FER1L5: variants seen among roughly 807,000 people sequenced by gnomAD.
FER1L5 encodes the protein fer-1 like family member 5, also known as fer-1-like protein 5.
In FER1L5, 187 loss-of-function variants were observed where a neutral mutation model predicts 279.9. The ratio of observed to expected loss-of-function variants is 0.67; its 90% CI spans 0.59 to 0.75. The LOEUF is 0.75. FER1L5 is among the 30% of genes least tolerant of loss of function. The pLI, the probability that FER1L5 is intolerant of heterozygous loss-of-function variation, is 0.00. For missense variants in FER1L5, 2,091 were observed against 2,594.4 expected, an observed-to-expected ratio of 0.81 and a Z score of 4.21; for synonymous variants, 921 against 989.7, an observed-to-expected ratio of 0.93 and a Z score of 1.30.
Position 96,649,605 on chromosome 2 carries a change from C to T in FER1L5, c.340-18C>T, listed in dbSNP as rs1326655258. ...ATGGCAGGGTCTGGCTTACAGCTCC[C>T]TTGCCTTTGTCTTGCAGTGTACTGT... On this transcript the variant is annotated intron_variant, in intron 4 of 52. Transcript: ENST00000624922. 1 of 1,551,014 alleles carries T rather than the reference C, an allele frequency of 6.4e-7. No individual in the cohort carries two copies.
rs1387179584 is a variant in FER1L5, at chr2:96,686,325, G to T, written c.2204G>T (p.Gly735Val). 2.6e-6 allele frequency: 4 copies of T among 1,551,272 alleles called. No homozygotes were observed. In the Admixed American group the frequency reaches 7.8e-5, roughly 30 times the overall value. The stretch of plus-strand genomic sequence containing the variant: ...GCTCTGCACTCCGGCAGGCTCTGTG[G>T]GAAGATACAGACACTCTTCCTACAG... ...AGALHSGRLC[G>V]KIQTLFLQYP... The change falls in exon 23 of 53, where the codon GGG becomes GTG. Residue 735 changes from glycine (G) to valine (V), a missense_variant. Gly to Val is a moderately radical substitution (Grantham distance 109). Coordinates refer to ENST00000624922, the MANE Select transcript of FER1L5 (RefSeq NM_001293083.2).
chr2:96,704,721 G>A lies in FER1L5; in HGVS notation c.*29G>A. 2 of 1,574,574 alleles carry A rather than the reference G, an allele frequency of 1.3e-6. No individual in the cohort carries two copies. Among genetic ancestry groups the A allele is most frequent in the Non-Finnish European group, 1.7e-6 (2 of 1,144,942 alleles). The stretch of plus-strand genomic sequence containing the variant: ...GTCCATGCTGCCTGGCTTTCCTCCT[G>A]CTACCAACAGCCCTCCCCTTGGGCT... On this transcript the variant is annotated 3_prime_UTR_variant, in exon 53 of 53. Coordinates refer to ENST00000624922, the MANE Select transcript of FER1L5 (RefSeq NM_001293083.2).
chr2:96,690,478 C>T lies in FER1L5; in HGVS notation c.2641-9C>T. 1.3e-6 allele frequency: 2 copies of T among 1,551,332 alleles called. No homozygotes were observed. Among genetic ancestry groups the T allele is most frequent in the Non-Finnish European group, 1.7e-6 (2 of 1,146,892 alleles). On this transcript the variant is annotated splice_polypyrimidine_tract_variant and intron_variant, in intron 26 of 52. Coordinates refer to ENST00000624922, the MANE Select transcript of FER1L5 (RefSeq NM_001293083.2). ...GTGCCCCTCGCTCGCCCTCTCTGTC[C>T]ACCTGCAGAATGGACAGCCCATGGA...
intron 19 of FER1L5, among the ~76,000 whole-genome samples, chr2:96,675,186 G>A (rs889306547): frequency 3.3e-5 from 5 of 152,096 alleles, no homozygotes; most frequent in African/African-American, 7.2e-5. Context: ...TGTGCTATAT[G>A]TAGGCATTTA....
rs757289534 is a variant in FER1L5, at chr2:96,686,015, C to A, written c.1971C>A (p.Leu657=). The change falls in exon 22 of 53, where the codon CTC becomes CTA. Residue 657 remains leucine (L), a synonymous_variant. Transcript: ENST00000624922. The part of the protein sequence containing the change: ...LDRKRWQLRS[L]LLQELAQKAK... ...GGAAGAGGTGGCAGCTCCGCAGCCT[C>A]CTCCTGCAGGAACTGGCCCAAAAGG... is the stretch of plus-strand genomic sequence containing the variant. 1 of 1,551,548 alleles carries A rather than the reference C, an allele frequency of 6.4e-7. No homozygotes were observed. The highest frequency in any genetic ancestry group is 8.7e-7 in the Non-Finnish European group (1 of 1,146,984).
In FER1L5 at chr2:96,687,748, TG is replaced by T. The variant is rs1443519219; in HGVS notation, c.2230-62del. The T allele has an allele frequency of 2.6e-6, 4 of 1,535,388 alleles. No homozygotes were observed. The East Asian group carries it at 7.4e-5, about 28-fold the overall frequency. ...GGGGAAGGGGCAGGTACAGCCCACT[TG>T]GGGGGTGGCCGGGGTGGCGTTCAGG... On this transcript the variant is annotated intron_variant, in intron 23 of 52. Coordinates refer to ENST00000624922, the MANE Select transcript of FER1L5 (RefSeq NM_001293083.2).
chr2:96,690,676 C>G (rs1177851354), intron 27 of FER1L5, 87 bp downstream of exon 27: 1 of 1,256,462 alleles, frequency 8.0e-7, no homozygotes, highest in Non-Finnish European at 1.1e-6. Flanking sequence ...AGCAGCCAAG[C>G]CCTCCATGGT....
intron 24 of FER1L5, among the ~76,000 whole-genome samples, chr2:96,688,621 T>C (rs562274398): frequency 6.6e-6 from 1 of 152,232 alleles, no homozygotes; most frequent in South Asian, 2.1e-4. Flanking sequence ...AAAACATACG[T>C]TTGCAGTGTC....
At chr2:96,677,509 A>G (rs2076551494) in intron 19 of FER1L5, among the ~76,000 whole-genome samples, 2 of 152,110 alleles carry the variant, frequency 1.3e-5, no homozygotes, top group East Asian at 1.9e-4. Context: ...GTATGGGTGT[A>G]CCATCCATCA....
intron 1 of FER1L5, 121 bp from the exon 2 acceptor site, chr2:96,646,280 T>G (rs1028810091): frequency 3.4e-5 from 34 of 1,012,838 alleles, no homozygotes; most frequent in Non-Finnish European, 4.7e-5. Context: ...TTACAGGCGT[T>G]AGCCACCATG....
In FER1L5 at chr2:96,685,958, G is replaced by T. The variant is rs1407064400; in HGVS notation, c.1914G>T (p.Met638Ile). 4 of 1,546,748 alleles carry T rather than the reference G, an allele frequency of 2.6e-6. No individual in the cohort carries two copies. The Admixed American group carries it at 7.9e-5, about 31-fold the overall frequency. Residue 638 changes from methionine (M) to isoleucine (I), a missense_variant, in exon 22 of 53, where the codon ATG becomes ATT. Physicochemically the swap from Met to Ile is conservative, Grantham distance 10. Coordinates refer to ENST00000624922, the MANE Select transcript of FER1L5 (RefSeq NM_001293083.2). The part of the protein sequence containing the change: ...AEDCKRPLPC[M>I]TYQPKATSLD... Reference sequence around the variant, plus strand: ...GCCACAGGCGCCCTCTGCCCTGCATGACCTATCAGCCCAAAGCCACCAGCC... The same window carrying T: ...GCCACAGGCGCCCTCTGCCCTGCATTACCTATCAGCCCAAAGCCACCAGCC...
At chr2:96,673,362 AC>A in intron 19 of FER1L5, 108 bp downstream of exon 19, 1 of 1,198,516 alleles carries the variant, frequency 8.3e-7, no homozygotes, top group Non-Finnish European at 1.1e-6. Flanking sequence ...GGCATTATTT[AC>A]CTATATTTCA....
At chr2:96,670,969 T>C (rs1259623073) in intron 18 of FER1L5, among the ~76,000 whole-genome samples, 1 of 150,804 alleles carries the variant, frequency 6.6e-6, no homozygotes, top group African/African-American at 2.4e-5. Context: ...TACCCAGGCA[T>C]GGTGGCTTGC....
chr2:96,692,458 C>T (rs1026349659), intron 31 of FER1L5, among the ~76,000 whole-genome samples: 2 of 152,186 alleles, frequency 1.3e-5, no homozygotes, highest in African/African-American at 4.8e-5. Flanking sequence ...ACAAAGACTA[C>T]GAGGCAGGGC....
intron 9 of FER1L5, among the ~76,000 whole-genome samples, chr2:96,659,636 G>A (rs2075877560): frequency 6.7e-6 from 1 of 149,928 alleles, no homozygotes; most frequent in African/African-American, 2.5e-5. Flanking sequence ...AGACTACAGG[G>A]GCCCGCCACC....
In FER1L5 at chr2:96,690,564, G is replaced by A. The variant is rs746081215; in HGVS notation, c.2718G>A (p.Glu906=). ...GWHFKKDWVV[E]LNHAVDSKGW... is the part of the protein sequence containing the mutation. ...ACTTTAAGAAGGACTGGGTGGTGGA[G>A]CTGAACCACGCAGTGGACAGTAAGG... The change falls in exon 27 of 53, where the codon GAG becomes GAA. Residue 906 remains glutamate, a synonymous_variant. Coordinates refer to ENST00000624922, the MANE Select transcript of FER1L5 (RefSeq NM_001293083.2). The A allele has an allele frequency of 2.6e-6, 4 of 1,551,716 alleles. No homozygotes were observed. In the South Asian group the frequency reaches 3.6e-5, roughly 14 times the overall value.
rs2153283557 is a variant in FER1L5 at position 96,691,584 on chromosome 2, C to T, written c.3047C>T (p.Ala1016Val). The T allele has an allele frequency of 3.2e-6, 5 of 1,540,206 alleles. No individual in the cohort carries two copies. The highest frequency in any genetic ancestry group is 2.0e-5 in the Admixed American group (1 of 48,910). The change falls in exon 29 of 53, where the codon GCG (alanine) becomes GTG (valine). Residue 1016 changes from alanine to valine, a missense_variant. Transcript: ENST00000624922. This position sits in a 1 kb window ranked among gnomAD's most constrained non-coding sequence, Gnocchi z 6.0. ...GCCCCCAACAAGGACAAGGGCATCGCGCCCATATTCCTCCTGGAGGGGTCC... is the reference window on the plus strand; with the variant it reads ...GCCCCCAACAAGGACAAGGGCATCGTGCCCATATTCCTCCTGGAGGGGTCC... ...RLAPNKDKGI[A>V]PIFLLEGSLA...
chr2:96,684,227 G>A (rs2076837401), intron 19 of FER1L5, 100 bp from the exon 20 acceptor site: 2 of 1,425,710 alleles, frequency 1.4e-6, no homozygotes, highest in East Asian at 5.1e-5. Flanking sequence ...CATCTTTGAG[G>A]GTGCAGTGGT....
Position 96,649,921 on chromosome 2 carries a change from CT to C in FER1L5, c.394+245del, listed in dbSNP as rs542504019. ...GACCCATGAGATATAAGACATAAGTCTCCAAGGGGCTGCAGAGAGACAAGGA... is the reference window on the plus strand; with the variant it reads ...GACCCATGAGATATAAGACATAAGTCCCAAGGGGCTGCAGAGAGACAAGGA... On this transcript the variant is annotated intron_variant, in intron 5 of 52. Transcript: ENST00000624922. 2.4e-3 allele frequency among the ~76,000 whole-genome samples: 363 copies of C among 152,308 alleles called. 3 individuals carry two copies. The highest frequency in any genetic ancestry group is 5.3e-3 in the Admixed American group (81 of 15,296).
Sources: gnomAD v4.1 joint callset for allele counts (sites outside exome capture counted in the v4.1 genomes callset) on GRCh38, gnomAD v4.1.1 for gene constraint, Gnocchi (gnomAD v3.1) non-coding constraint, MANE v1.5 for transcripts, NCBI Gene and HGNC (gene_info 2026-07-23, HGNC 2026-07-21) for gene names.